Variants in SUMF1 observed in about 807,000 individuals in gnomAD.
The protein encoded by SUMF1 is sulfatase modifying factor 1, also known as formylglycine-generating enzyme.
Under a neutral mutation model 47.6 loss-of-function variants are expected in SUMF1, and 48 were observed. The ratio of observed to expected loss-of-function variants is 1.01; its 90% CI spans 0.80 to 1.28. SUMF1 has a LOEUF of 1.28. SUMF1 is among the 50% of genes most tolerant of loss of function. The pLI, the probability that SUMF1 is intolerant of heterozygous loss-of-function variation, is 0.00. For synonymous variants in SUMF1, 230 were observed against 192.1 expected (o/e 1.20, Z -1.63); for missense variants, 571 against 485.4 (o/e 1.18, Z -1.66).
At chr3:4,111,106 C>G (rs1338995569) in intron 8 of SUMF1, among the ~76,000 whole-genome samples, 1 of 151,144 alleles carries the variant, frequency 6.6e-6, no homozygotes, top group Non-Finnish European at 1.5e-5. Context: ...AGAAAATACA[C>G]CCCTCCCTCA....
chr3:4,059,893 A>C (rs1227481562), intron 9 of SUMF1, among the ~76,000 whole-genome samples: 1 of 152,068 alleles, frequency 6.6e-6, no homozygotes, highest in Non-Finnish European at 1.5e-5. Context: ...GAGAATAAAA[A>C]TATTCCTGGA....
rs113108530 is a variant in SUMF1, at chr3:4,251,705, T to C, written c.1014+124625A>G. Among the ~76,000 whole-genome samples, 6 of 152,332 alleles carry C rather than the reference T, an allele frequency of 3.9e-5. 1 individual carries two copies. Among genetic ancestry groups the C allele is most frequent in the South Asian group, 2.1e-4 (1 of 4,822 alleles). ...TCTCTCTAGCTTTGAAAATGCCAGA[T>C]AGCATCTTCTTCTATTATAAGGCTG... is the stretch of plus-strand genomic sequence containing the variant. On this transcript the variant is annotated intron_variant and NMD_transcript_variant, in intron 8 of 12. Coordinates refer to the SUMF1 transcript ENST00000448413.
chr3:4,398,153 C>T (rs1035178176), intron 7 of SUMF1, among the ~76,000 whole-genome samples: 1 of 152,090 alleles, frequency 6.6e-6, no homozygotes, highest in East Asian at 1.9e-4. Flanking sequence ...TAATTTTATA[C>T]TTTTATAGCA....
chr3:4,193,688 A>C (rs1214651793), intron 8 of SUMF1, among the ~76,000 whole-genome samples: 3 of 152,128 alleles, frequency 2.0e-5, no homozygotes, highest in African/African-American at 7.2e-5. Context: ...GAATAATTCC[A>C]AAGCAGTTTC....
At chr3:4,288,151 T>C (rs1697672010) in intron 8 of SUMF1, among the ~76,000 whole-genome samples, 1 of 152,296 alleles carries the variant, frequency 6.6e-6, no homozygotes, top group South Asian at 2.1e-4. Flanking sequence ...GTGAGGAATA[T>C]ACAATAATAC....
At chr3:4,193,879 A>G (rs1321357329) in intron 8 of SUMF1, among the ~76,000 whole-genome samples, 1 of 152,176 alleles carries the variant, frequency 6.6e-6, no homozygotes, top group Admixed American at 6.6e-5. Context: ...AGAATTAGCC[A>G]ATTCATAAAA....
chr3:4,294,567 T>C (rs1697807232), intron 8 of SUMF1, among the ~76,000 whole-genome samples: 1 of 152,132 alleles, frequency 6.6e-6, no homozygotes, highest in Admixed American at 6.5e-5. Context: ...CACTCCAGCC[T>C]GGGCAACAGA....
At chr3:4,324,167 T>C (rs1399212595) in intron 8 of SUMF1, among the ~76,000 whole-genome samples, 1 of 152,186 alleles carries the variant, frequency 6.6e-6, no homozygotes, top group Non-Finnish European at 1.5e-5. Context: ...CATTTCATGG[T>C]TTGTTTTCAA....
chr3:4,440,388 A>C (rs1289069265), intron 3 of SUMF1, among the ~76,000 whole-genome samples: 2 of 152,162 alleles, frequency 1.3e-5, no homozygotes, highest in Non-Finnish European at 2.9e-5. Context: ...AACTTAGTAA[A>C]GCTTTTCTAA....
chr3:4,309,221 A>C (rs1046888081), intron 8 of SUMF1, among the ~76,000 whole-genome samples: 1 of 152,160 alleles, frequency 6.6e-6, no homozygotes, highest in African/African-American at 2.4e-5. Context: ...AATGTTTTTT[A>C]TCAGACTTAA....
intron 8 of SUMF1, among the ~76,000 whole-genome samples, chr3:4,107,219 T>C (rs1693178511): frequency 6.6e-6 from 1 of 152,142 alleles, no homozygotes; most frequent in South Asian, 2.1e-4. Context: ...AGCTAAGATT[T>C]GCCAAATTTT....
intron 9 of SUMF1, among the ~76,000 whole-genome samples, chr3:4,036,086 T>TAATGAA (rs1276849609): frequency 6.6e-6 from 1 of 152,116 alleles, no homozygotes; most frequent in African/African-American, 2.4e-5. Flanking sequence ...TTTAAAAAAA[T>TAATGAA]AATGAATGTA....
intron 7 of SUMF1, among the ~76,000 whole-genome samples, chr3:4,405,377 T>C (rs1701343183): frequency 6.6e-6 from 1 of 152,126 alleles, no homozygotes. Flanking sequence ...TTCTATTTTT[T>C]GTGTGTATTT....
intron 8 of SUMF1, among the ~76,000 whole-genome samples, chr3:4,271,706 T>C (rs1193807982): frequency 2.0e-5 from 3 of 152,164 alleles, no homozygotes; most frequent in African/African-American, 7.2e-5. Flanking sequence ...CTCACTCTGT[T>C]GCCCAGGCTA....
At chr3:4,281,708 A>T (rs969296944) in intron 8 of SUMF1, among the ~76,000 whole-genome samples, 2 of 152,204 alleles carry the variant, frequency 1.3e-5, no homozygotes, top group African/African-American at 4.8e-5. Flanking sequence ...GGGGGAAAGG[A>T]AAATAAATAT....
At chr3:4,080,258 C>T (rs1692531295) in intron 8 of SUMF1, among the ~76,000 whole-genome samples, 1 of 152,146 alleles carries the variant, frequency 6.6e-6, no homozygotes, top group Non-Finnish European at 1.5e-5. Flanking sequence ...AAGGCTACAG[C>T]TGGACACCAA....
intron 8 of SUMF1, among the ~76,000 whole-genome samples, chr3:4,285,386 T>C (rs1697613017): frequency 2.0e-5 from 3 of 152,140 alleles, no homozygotes; most frequent in African/African-American, 4.8e-5. Flanking sequence ...ATATTAATGA[T>C]GGTAATGGTC....
intron 8 of SUMF1, among the ~76,000 whole-genome samples, chr3:4,204,532 G>T (rs1695609498): frequency 6.6e-6 from 1 of 152,172 alleles, no homozygotes; most frequent in South Asian, 2.1e-4. Flanking sequence ...TCTAGGTTTG[G>T]TAAGTTATTG....
At chr3:4,372,979 G>A (rs1357722621) in intron 8 of SUMF1, among the ~76,000 whole-genome samples, 1 of 152,154 alleles carries the variant, frequency 6.6e-6, no homozygotes, top group Non-Finnish European at 1.5e-5. Flanking sequence ...AAATCCTGTG[G>A]ATCCCACTCA....
Sources: gnomAD v4.1 joint callset for allele counts (sites outside exome capture counted in the v4.1 genomes callset) on GRCh38, gnomAD v4.1.1 for gene constraint, MANE v1.5 for transcripts, NCBI Gene and HGNC (gene_info 2026-07-23, HGNC 2026-07-21) for gene names.